The following SEC23IP variants were observed in gnomAD, a reference collection of about 807,000 sequenced individuals.
The protein encoded by SEC23IP is SEC23-interacting protein.
SEC23IP carries 70 observed loss-of-function variants against 113.4 expected under a neutral mutation model. The ratio of observed to expected loss-of-function variants is 0.62; its 90% CI spans 0.51 to 0.75. The LOEUF is 0.75. Among genes scored for constraint, SEC23IP ranks in the 30% least tolerant of loss-of-function variants. SEC23IP has a pLI of 0.00. For synonymous variants in SEC23IP, 398 were observed against 421.0 expected, an observed-to-expected ratio of 0.95 and a Z score of 0.67; for missense variants, 1,160 against 1,204.9, an observed-to-expected ratio of 0.96 and a Z score of 0.55.
chr10:119,924,251 G>A (rs1463181287), intron 12 of SEC23IP, among the ~76,000 whole-genome samples: 1 of 152,136 alleles, frequency 6.6e-6, no homozygotes, highest in Non-Finnish European at 1.5e-5. Flanking sequence ...AGCTGTGGTT[G>A]TTTAGGCACT....
At chr10:119,926,719 A>G (rs765301505) in intron 13 of SEC23IP, among the ~76,000 whole-genome samples, 26 of 152,228 alleles carry the variant, frequency 1.7e-4, no homozygotes, top group Non-Finnish European at 3.5e-4. Flanking sequence ...ATCCTTTTAG[A>G]CAGTGTTACT....
chr10:119,929,022 G>T (rs1275913681), intron 13 of SEC23IP, among the ~76,000 whole-genome samples: 1 of 152,218 alleles, frequency 6.6e-6, no homozygotes, highest in Non-Finnish European at 1.5e-5. Flanking sequence ...GGAGGAGAGA[G>T]AGGTTAAGAA....
rs745330224 is a variant in SEC23IP, at chr10:119,892,766, G to T, written c.-17G>T. ...ACCGGGTACCCGGAGACGTGTATCG[G>T]ACGGTGGGCCGCAGCCATGGCCGAG... On this transcript the variant is annotated 5_prime_UTR_variant, in exon 1 of 19. Coordinates refer to ENST00000369075, the MANE Select transcript of SEC23IP (RefSeq NM_007190.4). The T allele has an allele frequency of 1.3e-6, 2 of 1,597,458 alleles. No individual in the cohort carries two copies.
At chr10:119,915,449 G>A (rs375827812) in intron 7 of SEC23IP, among the ~76,000 whole-genome samples, 7 of 152,174 alleles carry the variant, frequency 4.6e-5, no homozygotes, top group African/African-American at 1.4e-4. Flanking sequence ...GCCTGGAGCC[G>A]GCAGTGTGAT....
chr10:119,929,813 A>G (rs142435433), intron 14 of SEC23IP, 51 bp downstream of exon 14: 21,105 of 1,388,868 alleles, frequency 0.015, 211 homozygotes, highest in Middle Eastern at 0.034. Context: ...TCTTTTTTAA[A>G]CATTTTTTAC....
intron 1 of SEC23IP, among the ~76,000 whole-genome samples, chr10:119,894,773 C>T (rs1430908050): frequency 6.6e-6 from 1 of 152,080 alleles, no homozygotes; most frequent in Non-Finnish European, 1.5e-5. Flanking sequence ...TTATGTCCGT[C>T]TTCCTTGCTA....
chr10:119,915,333 C>T (rs2134488386), intron 7 of SEC23IP, among the ~76,000 whole-genome samples: 1 of 151,940 alleles, frequency 6.6e-6, no homozygotes, highest in East Asian at 1.9e-4. Flanking sequence ...ACTACTGTGA[C>T]TAATGAGGAA....
At position 119,920,877 on chromosome 10, in the gene SEC23IP, T is replaced by C. The variant is rs770787581; in HGVS notation, c.2026-12T>C. 1.3e-6 allele frequency: 2 copies of C among 1,568,322 alleles called. No homozygotes were observed. Among genetic ancestry groups the C allele is most frequent in the Non-Finnish European group, 1.8e-6 (2 of 1,141,892 alleles). ...TAGATTGATTAATGTGCTTGTCTGT[T>C]TCCTTTTAAAGCTTATGTGTACAGT... On this transcript the variant is annotated splice_polypyrimidine_tract_variant and intron_variant, in intron 11 of 18. Transcript: ENST00000369075.
intron 6 of SEC23IP, among the ~76,000 whole-genome samples, chr10:119,914,024 G>A (rs1264178320): frequency 6.6e-6 from 1 of 152,110 alleles, no homozygotes; most frequent in Non-Finnish European, 1.5e-5. Context: ...ACTGGGCGTG[G>A]TGGTGGGTGC....
intron 2 of SEC23IP, among the ~76,000 whole-genome samples, chr10:119,902,353 A>G (rs1854526245): frequency 6.6e-6 from 1 of 152,210 alleles, no homozygotes; most frequent in African/African-American, 2.4e-5. Flanking sequence ...CCTCACACAC[A>G]CAAAAAAGGT....
intron 15 of SEC23IP, among the ~76,000 whole-genome samples, chr10:119,930,848 T>C (rs951580935): frequency 6.6e-6 from 1 of 152,214 alleles, no homozygotes; most frequent in African/African-American, 2.4e-5. Flanking sequence ...TCATTAAACA[T>C]AATGGATTGG....
At chr10:119,902,735 T>C in intron 2 of SEC23IP, 64 bp from the exon 3 acceptor site, 4 of 1,281,832 alleles carry the variant, frequency 3.1e-6, no homozygotes, top group Non-Finnish European at 4.5e-6. Flanking sequence ...TCAGTTTGGG[T>C]GTGAAGCATA....
intron 14 of SEC23IP, 58 bp downstream of exon 14, chr10:119,929,820 T>G: frequency 2.3e-6 from 3 of 1,321,620 alleles, no homozygotes; most frequent in Non-Finnish European, 2.1e-6. Flanking sequence ...TAAACATTTT[T>G]TACTTTTTTA....
rs1855943078 is a variant in SEC23IP at position 119,940,825 on chromosome 10, G to A, written c.*260G>A. On this transcript the variant is annotated 3_prime_UTR_variant, in exon 19 of 19. Coordinates refer to ENST00000369075, the MANE Select transcript of SEC23IP (RefSeq NM_007190.4). Reference sequence around the variant, plus strand: ...AACATAATTATAAAAATGATGCCATGAAAAATTCCACAGATCAGTTTAGTT... The same window carrying A: ...AACATAATTATAAAAATGATGCCATAAAAAATTCCACAGATCAGTTTAGTT... 6.6e-6 allele frequency: 1 copy of A among 152,142 alleles called. No individual in the cohort carries two copies. The highest frequency in any genetic ancestry group is 1.5e-5 in the Non-Finnish European group (1 of 68,018). 9.4% of individuals were successfully genotyped at this position (152,142 alleles called of 1,614,324 possible).
At chr10:119,905,686 C>T (rs1220333517) in intron 4 of SEC23IP, among the ~76,000 whole-genome samples, 35 of 152,136 alleles carry the variant, frequency 2.3e-4, no homozygotes, top group Admixed American at 2.3e-3. Flanking sequence ...CAGAGAACAC[C>T]TTTAATTTGA....
chr10:119,939,243 C>T (rs557887421), intron 18 of SEC23IP, among the ~76,000 whole-genome samples: 7 of 151,112 alleles, frequency 4.6e-5, no homozygotes, highest in Admixed American at 3.3e-4. Flanking sequence ...TGCTGGAGTT[C>T]GGGAGATTGA....
Position 119,941,822 on chromosome 10 carries a change from G to A in SEC23IP, c.*1257G>A, listed in dbSNP as rs1855973369. On this transcript the variant is annotated 3_prime_UTR_variant, in exon 19 of 19. Transcript: ENST00000369075. ...TTCATTTTGAGTACCTGCTTATATG[G>A]TCAGTATGTAACGTTAGCATTGGCT... is the stretch of plus-strand genomic sequence containing the variant. 6.6e-6 allele frequency: 1 copy of A among 152,554 alleles called. No individual in the cohort carries two copies. Among genetic ancestry groups the A allele is most frequent in the African/African-American group, 2.4e-5 (1 of 41,418 alleles). The allele number at this position is 152,554 out of a possible 1,614,324, so 9.5% of individuals were successfully genotyped here. A position where few individuals can be genotyped will look rare whatever the true frequency, so the allele number is the denominator to read the frequency against.
chr10:119,892,830 C>T lies in SEC23IP; in HGVS notation c.48C>T (p.Ser16=). 2 of 1,613,618 alleles carry T rather than the reference C, an allele frequency of 1.2e-6. No individual in the cohort carries two copies. The highest frequency in any genetic ancestry group is 2.2e-5 in the East Asian group (1 of 44,864). Reference sequence around the variant, plus strand: ...GTGGCAGCGGCGGCGCCTCCACTTCCTCATCGGGCACTAACTTACTTTTCT... The same window carrying T: ...GTGGCAGCGGCGGCGCCTCCACTTCTTCATCGGGCACTAACTTACTTTTCT... ...PNGGSGGAST[S]SSGTNLLFSS... is the part of the protein sequence containing the mutation. The change falls in exon 1 of 19, where the codon TCC becomes TCT. Residue 16 remains serine, a synonymous_variant. Coordinates refer to ENST00000369075, the MANE Select transcript of SEC23IP (RefSeq NM_007190.4).
chr10:119,932,416 G>T, intron 16 of SEC23IP, 98 bp downstream of exon 16: 1 of 945,584 alleles, frequency 1.1e-6, no homozygotes, highest in Non-Finnish European at 1.5e-6. Flanking sequence ...TAGACTTTTT[G>T]GTTAAATTAT....
Sources: gnomAD v4.1 joint callset for allele counts (sites outside exome capture counted in the v4.1 genomes callset) on GRCh38, gnomAD v4.1.1 for gene constraint, MANE v1.5 for transcripts, NCBI Gene and HGNC (gene_info 2026-07-23, HGNC 2026-07-21) for gene names.